Variants in CFAP44 observed in about 807,000 individuals in gnomAD.
CFAP44 encodes cilia- and flagella-associated protein 44.
In CFAP44, 134 loss-of-function variants were observed where a neutral mutation model predicts 216.2. The observed-to-expected ratio is 0.62, with a 90% CI of 0.54 to 0.72. The LOEUF (loss-of-function observed/expected upper bound fraction) is 0.72. CFAP44 is among the 30% of genes least tolerant of loss of function. CFAP44 has a pLI of 0.00. For missense variants in CFAP44, 2,035 were observed against 2,182.1 expected (o/e 0.93, Z 1.34); for synonymous variants, 700 against 727.6 (o/e 0.96, Z 0.61).
rs60866565 is a variant in CFAP44, at chr3:113,302,457, TAAAAAAA to T, written c.5077+1452_5077+1458del. On this transcript the variant is annotated intron_variant, in intron 32 of 34. Coordinates refer to ENST00000393845, the MANE Select transcript of CFAP44 (RefSeq NM_001164496.2). Reference sequence around the variant, plus strand: ...GTATCCAAAGATACACTAGACAAAGTAAAAAAAAAAAAAAAAAAAAAAAGATAGCCAG... The same window carrying T: ...GTATCCAAAGATACACTAGACAAAGTAAAAAAAAAAAAAAAAGATAGCCAG... Among the ~76,000 whole-genome samples, 729 of 75,792 alleles carry T rather than the reference TAAAAAAA, an allele frequency of 9.6e-3. 19 individuals carry two copies. Among genetic ancestry groups the T allele is most frequent in the East Asian group, 0.095 (246 of 2,588 alleles). 49.7% of individuals were successfully genotyped at this position (75,792 alleles called of 152,430 possible).
At chr3:113,327,335 T>C (rs1950197451) in intron 27 of CFAP44, among the ~76,000 whole-genome samples, 1 of 152,110 alleles carries the variant, frequency 6.6e-6, no homozygotes, top group African/African-American at 2.4e-5. Context: ...ACCAGACTGG[T>C]GTAGAGTGGC....
At chr3:113,437,090 G>A (rs1935256448) in intron 1 of CFAP44, among the ~76,000 whole-genome samples, 1 of 152,180 alleles carries the variant, frequency 6.6e-6, no homozygotes, top group Non-Finnish European at 1.5e-5. Context: ...AGTGGTCCCT[G>A]CTTTCTTGCT....
At chr3:113,381,267 G>A (rs1933501119) in intron 15 of CFAP44, among the ~76,000 whole-genome samples, 1 of 151,830 alleles carries the variant, frequency 6.6e-6, no homozygotes, top group Non-Finnish European at 1.5e-5. Context: ...TCATTATTAA[G>A]TGATTAAAGA....
rs747556453 is a variant in CFAP44, at chr3:113,330,210, G to A, written c.4074C>T (p.Asp1358=). 185 of 1,537,182 alleles carry A rather than the reference G, an allele frequency of 1.2e-4. No individual in the cohort carries two copies. The highest frequency in any genetic ancestry group is 1.5e-4 in the Non-Finnish European group (173 of 1,146,864). The part of the protein sequence containing the change: ...TDVELEIMKR[D]EIKHVYMQQY... Reference sequence around the variant, plus strand: ...GTTGCATGTACACGTGTTTAATCTCGTCTCTCTTCATAATTTCCAGCTCCA... The same window carrying A: ...GTTGCATGTACACGTGTTTAATCTCATCTCTCTTCATAATTTCCAGCTCCA... The change falls in exon 26 of 35, where the codon GAC becomes GAT. Residue 1358 remains aspartate (D), a synonymous_variant. Transcript: ENST00000393845.
Position 113,336,893 on chromosome 3 carries a change from T to C in CFAP44, c.3438-3310A>G, listed in dbSNP as rs1375101102. Among the ~76,000 whole-genome samples, 5 of 151,838 alleles carry C rather than the reference T, an allele frequency of 3.3e-5. No individual in the cohort carries two copies. The East Asian group carries it at 9.7e-4, about 29-fold the overall frequency. The stretch of plus-strand genomic sequence containing the variant: ...GCAGTTATATTATTTAACCACTGAA[T>C]GCTTCCTAAGATAAGGAACAAAGTG... On this transcript the variant is annotated intron_variant, in intron 24 of 34. Transcript: ENST00000393845.
intron 22 of CFAP44, among the ~76,000 whole-genome samples, chr3:113,346,904 C>A (rs1463106626): frequency 6.6e-6 from 1 of 152,194 alleles, no homozygotes; most frequent in East Asian, 1.9e-4. Context: ...GCTGCTCACT[C>A]TTTGGGTCCA....
intron 34 of CFAP44, 131 bp downstream of exon 34, chr3:113,294,556 G>A (rs997902923): frequency 1.9e-5 from 22 of 1,187,152 alleles, no homozygotes; most frequent in East Asian, 2.7e-5. Flanking sequence ...CCTCGGGGAC[G>A]CAGATGGTCT....
rs1347835003 is a variant in CFAP44 at position 113,299,494 on chromosome 3, A to C, written c.5078-2609T>G. On this transcript the variant is annotated intron_variant, in intron 32 of 34. Transcript: ENST00000393845. The stretch of plus-strand genomic sequence containing the variant: ...TGTAAATTAGTGCAACCACTTGGAG[A>C]GCAGTTTGGAGATTCCCCAAAACAC... 2.0e-5 allele frequency among the ~76,000 whole-genome samples: 3 copies of C among 152,340 alleles called. No individual in the cohort carries two copies. The East Asian group carries it at 5.8e-4, about 29-fold the overall frequency.
Position 113,409,191 on chromosome 3 carries a change from T to C in CFAP44, c.805A>G (p.Lys269Glu), listed in dbSNP as rs763951648. 4 of 1,614,020 alleles carry C rather than the reference T, an allele frequency of 2.5e-6. No individual in the cohort carries two copies. The highest frequency in any genetic ancestry group is 3.4e-6 in the Non-Finnish European group (4 of 1,180,034). Residue 269 changes from lysine (K) to glutamate (E), a missense_variant, in exon 7 of 35, where the codon AAA (lysine) becomes GAA (glutamate). Transcript: ENST00000393845. The stretch of plus-strand genomic sequence containing the variant: ...TTAAAAACTTCCTGAGAAAAAGCTT[T>C]TGTCCTTAGTATGGGTTGTTCTTCT... ...WKEEQPILRT[K>E]AFSQEVFKVT...
intron 2 of CFAP44, 135 bp from the exon 3 acceptor site, chr3:113,427,474 C>A (rs1934993833): frequency 3.1e-6 from 2 of 639,582 alleles, no homozygotes; most frequent in Non-Finnish European, 5.1e-6. Context: ...CTAGAAGAAT[C>A]ATTTTATTTG....
chr3:113,401,736 AT>A lies in CFAP44; in HGVS notation c.1173del (p.Trp392GlyfsTer6), dbSNP rs1934146426. 2 of 1,596,854 alleles carry A rather than the reference AT, an allele frequency of 1.3e-6. No homozygotes were observed. The highest frequency in any genetic ancestry group is 2.7e-5 in the African/African-American group (2 of 73,826). On this transcript the variant is annotated frameshift_variant and splice_region_variant, in exon 10 of 35. Coordinates refer to ENST00000393845, the MANE Select transcript of CFAP44 (RefSeq NM_001164496.2). LOFTEE classifies it high-confidence loss of function. ...GCAGTGTCTATTGTCTCAAAATCCC[AT>A]ATCTTGTAAAATGAAAAGAAAATAC... ...ITVGSDGYVR[I>X]WDFETIDTAD...
intron 4 of CFAP44, among the ~76,000 whole-genome samples, chr3:113,425,555 T>A (rs1272205666): frequency 6.6e-6 from 1 of 152,210 alleles, no homozygotes; most frequent in African/African-American, 2.4e-5. Context: ...TCATCTGATA[T>A]ATAATGTGAA....
At chr3:113,349,857 C>G (rs1472451433) in intron 22 of CFAP44, among the ~76,000 whole-genome samples, 1 of 152,226 alleles carries the variant, frequency 6.6e-6, no homozygotes, top group South Asian at 2.1e-4. Flanking sequence ...AGGTCTGTTA[C>G]CATCCGAGGA....
chr3:113,295,910 T>TA (rs144223597), intron 33 of CFAP44, among the ~76,000 whole-genome samples: 3 of 152,152 alleles, frequency 2.0e-5, no homozygotes, highest in Non-Finnish European at 2.9e-5. Flanking sequence ...TTATACTTTT[T>TA]AAAAAAATGT....
intron 24 of CFAP44, 64 bp downstream of exon 24, chr3:113,341,680 T>A: frequency 7.5e-7 from 1 of 1,339,808 alleles, no homozygotes; most frequent in South Asian, 1.9e-5. Context: ...TAAAGATTTT[T>A]AAGATATATT....
At chr3:113,402,697 G>C (rs569816501) in intron 9 of CFAP44, among the ~76,000 whole-genome samples, 5 of 152,238 alleles carry the variant, frequency 3.3e-5, no homozygotes, top group African/African-American at 1.2e-4. Context: ...TGGGGTAAGA[G>C]GTAAAGATTT....
chr3:113,335,929 G>A (rs892298706), intron 24 of CFAP44, among the ~76,000 whole-genome samples: 2 of 152,070 alleles, frequency 1.3e-5, no homozygotes, highest in Non-Finnish European at 2.9e-5. Flanking sequence ...AATTTAATAG[G>A]AAGATATTTT....
intron 22 of CFAP44, 42 bp from the exon 23 acceptor site, chr3:113,344,754 A>G (rs1950365436): frequency 8.4e-6 from 12 of 1,426,758 alleles, no homozygotes; most frequent in Non-Finnish European, 1.1e-5. Context: ...CACCATTTTG[A>G]TCATTCTGCA....
intron 22 of CFAP44, among the ~76,000 whole-genome samples, chr3:113,356,564 T>C (rs1286942447): frequency 6.6e-6 from 1 of 152,144 alleles, no homozygotes; most frequent in Admixed American, 6.5e-5. Context: ...ACCTGACTTA[T>C]GACAAAAGCA....
Sources: gnomAD v4.1 joint callset for allele counts (sites outside exome capture counted in the v4.1 genomes callset) on GRCh38, gnomAD v4.1.1 for gene constraint, MANE v1.5 for transcripts, NCBI Gene and HGNC (gene_info 2026-07-23, HGNC 2026-07-21) for gene names.